Variants in DPH6 observed in about 807,000 individuals in gnomAD.
The protein encoded by DPH6 is diphthamine biosynthesis 6.
In DPH6, 33 loss-of-function variants were observed where a neutral mutation model predicts 38.2. That is an observed-to-expected ratio of 0.86 (90% CI 0.65 to 1.15). DPH6 has a LOEUF of 1.15. Among genes scored for constraint, DPH6 ranks in the 50% most tolerant of loss-of-function variants. The probability of loss-of-function intolerance (pLI) is 0.00; values close to 1 mark genes in which losing one functional copy is unlikely to be tolerated. For synonymous variants in DPH6, 108 were observed against 103.0 expected (o/e 1.05, Z -0.30); for missense variants, 325 against 320.0 (o/e 1.02, Z -0.12).
chr15:35,368,232 A>G (rs2052677879), downstream of DPH6, among the ~76,000 whole-genome samples: 3 of 151,904 alleles, frequency 2.0e-5, no homozygotes, highest in Admixed American at 1.3e-4. Context: ...TAAAAAGAGA[A>G]GAAGAAAGGA....
chr15:35,488,206 T>C (rs1381302117), intron 3 of DPH6, among the ~76,000 whole-genome samples: 4 of 152,190 alleles, frequency 2.6e-5, no homozygotes, highest in African/African-American at 4.8e-5. Context: ...TTTTCCCACA[T>C]CTTCCTGTCT....
At chr15:35,470,388 T>C (rs570546758) in intron 3 of DPH6, among the ~76,000 whole-genome samples, 6 of 151,970 alleles carry the variant, frequency 3.9e-5, no homozygotes, top group Non-Finnish European at 7.4e-5. Context: ...TTAAAAAAAA[T>C]AAAAAAGTTC....
Position 35,543,258 on chromosome 15 carries a change from TAA to T in DPH6, c.24-753_24-752del, listed in dbSNP as rs1491542700. 9.2e-3 allele frequency among the ~76,000 whole-genome samples: 847 copies of T among 92,544 alleles called. 35 individuals are homozygous for T. Among genetic ancestry groups the T allele is most frequent in the African/African-American group, 0.026 (578 of 22,296 alleles). 60.7% of individuals were successfully genotyped at this position (92,544 alleles called of 152,430 possible). A position where few individuals can be genotyped will look rare whatever the true frequency, so the allele number is the denominator to read the frequency against. On this transcript the variant is annotated intron_variant, in intron 1 of 8. Transcript: ENST00000256538. ...CATACATATAGTACACACATACACA[TAA>T]TATATATATATATATATATATATAT... is the stretch of plus-strand genomic sequence containing the variant.
intron 3 of DPH6, among the ~76,000 whole-genome samples, chr15:35,272,266 C>G (rs979302948): frequency 6.6e-6 from 1 of 152,068 alleles, no homozygotes; most frequent in Non-Finnish European, 1.5e-5. Flanking sequence ...TATGTGCAGA[C>G]ACTATGGCCA....
intron 2 of DPH6, among the ~76,000 whole-genome samples, chr15:35,539,752 T>C (rs2055224438): frequency 6.6e-6 from 1 of 152,048 alleles, no homozygotes; most frequent in Non-Finnish European, 1.5e-5. Context: ...TTCCATTAAA[T>C]GTGAAAACTT....
intron 3 of DPH6, among the ~76,000 whole-genome samples, chr15:35,527,156 A>C (rs2055015856): frequency 6.6e-6 from 1 of 152,178 alleles, no homozygotes; most frequent in Non-Finnish European, 1.5e-5. Context: ...ACTACCACTT[A>C]ATATTAATAT....
downstream of DPH6, among the ~76,000 whole-genome samples, chr15:35,215,205 T>A (rs1256763309): frequency 1.3e-5 from 2 of 152,158 alleles, no homozygotes; most frequent in Non-Finnish European, 2.9e-5. Flanking sequence ...GCCCACTTGG[T>A]AGAGAATGTC....
intron 5 of DPH6, among the ~76,000 whole-genome samples, chr15:35,432,372 G>GT (rs566747974): frequency 2.6e-3 from 397 of 152,208 alleles, no homozygotes; most frequent in Non-Finnish European, 4.5e-3. Flanking sequence ...TCCTGGATAC[G>GT]TTTTTTAGAT....
intron 6 of DPH6, among the ~76,000 whole-genome samples, chr15:35,386,244 C>T (rs1399714241): frequency 4.6e-5 from 7 of 152,262 alleles, no homozygotes; most frequent in East Asian, 1.9e-4. Flanking sequence ...ATCCAGTCTA[C>T]CATTGTTGGA....
intron 3 of DPH6, among the ~76,000 whole-genome samples, chr15:35,490,934 G>C (rs1429183334): frequency 6.6e-6 from 1 of 152,092 alleles, no homozygotes; most frequent in Non-Finnish European, 1.5e-5. Flanking sequence ...TCTCATGGCA[G>C]AAGACACCAT....
chr15:35,285,580 G>T (rs2051935426), intron 3 of DPH6, among the ~76,000 whole-genome samples: 1 of 151,956 alleles, frequency 6.6e-6, no homozygotes. Context: ...TTTGTAAATT[G>T]CCCAGTCTTG....
intron 5 of DPH6, among the ~76,000 whole-genome samples, chr15:35,438,057 G>C (rs1489797215): frequency 1.3e-5 from 2 of 151,916 alleles, no homozygotes; most frequent in East Asian, 3.9e-4. Context: ...GGATAATAAG[G>C]GATTTAAATG....
intron 1 of DPH6, among the ~76,000 whole-genome samples, chr15:35,542,840 A>T (rs542854113): frequency 3.4e-4 from 49 of 144,768 alleles, no homozygotes; most frequent in African/African-American, 1.2e-3. Flanking sequence ...AACATTTATT[A>T]TATAATTATA....
intron 3 of DPH6, among the ~76,000 whole-genome samples, chr15:35,289,506 A>C (rs1230447520): frequency 6.6e-6 from 1 of 152,186 alleles, no homozygotes; most frequent in Non-Finnish European, 1.5e-5. Flanking sequence ...TAAAAGGCTC[A>C]CCAGAAAACT....
intron 3 of DPH6, among the ~76,000 whole-genome samples, chr15:35,223,357 T>C (rs745828762): frequency 6.6e-6 from 1 of 152,100 alleles, no homozygotes; most frequent in Non-Finnish European, 1.5e-5. Context: ...AATGGACTCA[T>C]CATCTCTTAA....
chr15:35,419,228 T>C (rs2053474461), intron 5 of DPH6, among the ~76,000 whole-genome samples: 1 of 152,082 alleles, frequency 6.6e-6, no homozygotes, highest in Non-Finnish European at 1.5e-5. Context: ...GAACACACCA[T>C]TATTCTATAA....
chr15:35,169,161 ATTAG>A, the DPH6 span, among the ~76,000 whole-genome samples: 4 of 152,256 alleles, frequency 2.6e-5, no homozygotes, highest in South Asian at 6.2e-4. Context: ...CATCTTTTAT[ATTAG>A]TTAAATTAAT....
At chr15:35,285,872 G>GTTTTTTTTTTCTTTTTTTTT (rs2051938669) in intron 3 of DPH6, among the ~76,000 whole-genome samples, 1 of 52,794 alleles carries the variant, frequency 1.9e-5, no homozygotes. Flanking sequence ...TTATCTTTGA[G>GTTTTTTTTTTCTTTTTTTTT]TTTTTTTTTT....
At chr15:35,354,113 T>C (rs1165014968) in intron 3 of DPH6, among the ~76,000 whole-genome samples, 2 of 152,180 alleles carry the variant, frequency 1.3e-5, no homozygotes, top group African/African-American at 2.4e-5. Context: ...ATGCTTGTGA[T>C]TTTTGCACAT....
Sources: gnomAD v4.1 joint callset for allele counts (sites outside exome capture counted in the v4.1 genomes callset) on GRCh38, gnomAD v4.1.1 for gene constraint, MANE v1.5 for transcripts, NCBI Gene and HGNC (gene_info 2026-07-23, HGNC 2026-07-21) for gene names.